Variants in DAPK2 observed in about 807,000 individuals in gnomAD.
The protein encoded by DAPK2 is death associated protein kinase 2, also known as death-associated protein kinase 2.
In DAPK2, 35 loss-of-function variants were observed where a neutral mutation model predicts 44.1. That is an observed-to-expected ratio of 0.79 (90% confidence interval 0.61 to 1.05). DAPK2 has a LOEUF of 1.05. Ranked by LOEUF, DAPK2 falls within the 50% of genes least tolerant of loss-of-function variation. The pLI, the probability that DAPK2 is intolerant of heterozygous loss-of-function variation, is 0.00. For synonymous variants in DAPK2, 174 were observed against 182.6 expected, an observed-to-expected ratio of 0.95 and a Z score of 0.38; for missense variants, 453 against 483.2, an observed-to-expected ratio of 0.94 and a Z score of 0.59.
At chr15:63,977,073 T>G (rs374986173) in intron 2 of DAPK2, among the ~76,000 whole-genome samples, 38 of 149,732 alleles carry the variant, frequency 2.5e-4, no homozygotes, top group African/African-American at 9.4e-4. Context: ...TTTTCCAACA[T>G]ATCAATGGCA....
rs542077023 is a variant in DAPK2 at position 64,002,135 on chromosome 15, A to G, written c.93-18381T>C. 4.6e-5 allele frequency among the ~76,000 whole-genome samples: 7 copies of G among 152,338 alleles called. 1 individual carries two copies. The South Asian group carries it at 1.2e-3, about 27-fold the overall frequency. On this transcript the variant is annotated intron_variant, in intron 1 of 10. Coordinates refer to ENST00000261891, the Ensembl canonical transcript of DAPK2. ...GTATTGCCAACTCCTACTGCAGAAG[A>G]GCCAAGCTCAGGGCCCTGGGGAGAG... is the stretch of plus-strand genomic sequence containing the variant.
chr15:64,043,880 C>G (rs1487306400), upstream of DAPK2, among the ~76,000 whole-genome samples: 3 of 152,198 alleles, frequency 2.0e-5, no homozygotes, highest in Non-Finnish European at 2.9e-5. Context: ...GGCTAGTACA[C>G]AGTAGGCACT....
At position 63,990,822 on chromosome 15, in the gene DAPK2, A is replaced by T. The variant is rs2078797559; in HGVS notation, c.93-7068T>A. Among the ~76,000 whole-genome samples the T allele has an allele frequency of 6.6e-6, 1 of 152,228 alleles. No homozygotes were observed. The highest frequency in any genetic ancestry group is 1.5e-5 in the Non-Finnish European group (1 of 68,038). ...CAAGGACCTTCAGCCAATGTGTCTCAAAGGCAGGAGCAGCTCAAAGCTGTA... is the reference window on the plus strand; with the variant it reads ...CAAGGACCTTCAGCCAATGTGTCTCTAAGGCAGGAGCAGCTCAAAGCTGTA... On this transcript the variant is annotated intron_variant, in intron 1 of 10. Transcript: ENST00000261891. The surrounding 1 kb of genome is among the most constrained non-coding windows in gnomAD (Gnocchi z 4.3).
intron 1 of DAPK2, among the ~76,000 whole-genome samples, chr15:64,024,299 G>A (rs1180149176): frequency 6.6e-6 from 1 of 152,174 alleles, no homozygotes; most frequent in Non-Finnish European, 1.5e-5. Flanking sequence ...GCCTTGTCTC[G>A]AAGGAGGAAA....
At position 63,969,224 on chromosome 15, in the gene DAPK2, G is replaced by T. The variant is rs189369779; in HGVS notation, c.453+2199C>A. On this transcript the variant is annotated intron_variant, in intron 3 of 10. Transcript: ENST00000261891. ...GCTTGAGCCTAGGAGTTGCAGACCAGCCTGGGCAAAATGGCAAAAACCCAT... is the reference window on the plus strand; with the variant it reads ...GCTTGAGCCTAGGAGTTGCAGACCATCCTGGGCAAAATGGCAAAAACCCAT... Among the ~76,000 whole-genome samples the T allele has an allele frequency of 7.9e-5, 12 of 151,960 alleles. No individual in the cohort carries two copies. In the East Asian group the frequency reaches 2.3e-3, roughly 29 times the overall value.
chr15:64,009,951 T>G (rs2079343664), intron 1 of DAPK2, among the ~76,000 whole-genome samples: 1 of 152,164 alleles, frequency 6.6e-6, no homozygotes, highest in African/African-American at 2.4e-5. Flanking sequence ...CAAAGGCTTG[T>G]TCTAGGCAGC....
intron 3 of DAPK2, among the ~76,000 whole-genome samples, chr15:63,943,296 C>T (rs1044969971): frequency 2.0e-5 from 3 of 151,994 alleles, no homozygotes; most frequent in African/African-American, 7.3e-5. Flanking sequence ...AGCATGGTGG[C>T]ACACACTTGT....
chr15:63,954,735 T>C (rs2077677498), intron 3 of DAPK2, among the ~76,000 whole-genome samples: 1 of 152,200 alleles, frequency 6.6e-6, no homozygotes, highest in African/African-American at 2.4e-5. Flanking sequence ...TGTAGGTTGC[T>C]TTAGGTAGTA....
chr15:63,952,633 T>C (rs189664823), intron 3 of DAPK2, among the ~76,000 whole-genome samples: 2 of 124,804 alleles, frequency 1.6e-5, no homozygotes, highest in East Asian at 4.8e-4. Context: ...GGCAAGAGCA[T>C]TCCATGATCT....
At chr15:63,943,801 G>A (rs60842212) in intron 3 of DAPK2, among the ~76,000 whole-genome samples, 4,035 of 152,222 alleles carry the variant, frequency 0.027, 186 homozygotes, top group African/African-American at 0.093. Context: ...GCTTGAACCC[G>A]GGAAGCAGAG....
exon 7 of DAPK2, chr15:63,925,988 G>T (rs555502296): frequency 6.2e-7 from 1 of 1,614,054 alleles, no homozygotes; most frequent in Admixed American, 1.7e-5. Context: ...TGGCCAGCTC[G>T]CTCGTCTGGC....
At chr15:63,989,749 T>A (rs751135260) in intron 1 of DAPK2, among the ~76,000 whole-genome samples, 3 of 152,112 alleles carry the variant, frequency 2.0e-5, no homozygotes, top group Non-Finnish European at 4.4e-5. Flanking sequence ...TGGAGTACAG[T>A]GGTGCAATCT....
intron 2 of DAPK2, among the ~76,000 whole-genome samples, chr15:63,972,810 A>G (rs1430089691): frequency 2.0e-5 from 3 of 152,222 alleles, no homozygotes; most frequent in African/African-American, 7.2e-5. Context: ...GCCTCCTCAT[A>G]TTGGAAAACA....
chr15:63,964,422 G>A (rs2077994278), intron 3 of DAPK2, among the ~76,000 whole-genome samples: 1 of 151,824 alleles, frequency 6.6e-6, no homozygotes, highest in African/African-American at 2.4e-5. Flanking sequence ...TTAATTTTTG[G>A]GAGTTTGATT....
intron 1 of DAPK2, among the ~76,000 whole-genome samples, chr15:63,999,532 C>T (rs2079030519): frequency 6.6e-6 from 1 of 152,216 alleles, no homozygotes; most frequent in African/African-American, 2.4e-5. Context: ...CTTTCTACAA[C>T]TGCTAGGATT....
At chr15:63,971,299 G>C in intron 3 of DAPK2, 124 bp downstream of exon 4, 1 of 1,221,732 alleles carries the variant, frequency 8.2e-7, no homozygotes, top group South Asian at 1.5e-5. Flanking sequence ...TGAGCTCAGG[G>C]TTTTTCACTG....
chr15:63,974,306 G>T (rs146043926), intron 2 of DAPK2, among the ~76,000 whole-genome samples: 38 of 152,326 alleles, frequency 2.5e-4, no homozygotes, highest in African/African-American at 7.7e-4. Flanking sequence ...CCATGACACA[G>T]TCCCAGAAGG....
At chr15:64,022,532 A>G (rs2079715521) in intron 1 of DAPK2, among the ~76,000 whole-genome samples, 1 of 152,180 alleles carries the variant, frequency 6.6e-6, no homozygotes, top group South Asian at 2.1e-4. Context: ...AGAGTTCACA[A>G]TCCCATGGGC....
chr15:63,925,834 G>T, intron 7 of DAPK2, 107 bp downstream of exon 8: 1 of 1,422,126 alleles, frequency 7.0e-7, no homozygotes, highest in Non-Finnish European at 9.8e-7. Context: ...GACCACAACA[G>T]TGCAGATGAC....
Sources: gnomAD v4.1 joint callset for allele counts (sites outside exome capture counted in the v4.1 genomes callset) on GRCh38, gnomAD v4.1.1 for gene constraint, Gnocchi (gnomAD v3.1) non-coding constraint, MANE v1.5 for transcripts, NCBI Gene and HGNC (gene_info 2026-07-23, HGNC 2026-07-21) for gene names.